The following MACROD2 variants were observed in gnomAD, a reference collection of about 807,000 sequenced individuals.
The protein encoded by MACROD2 is mono-ADP ribosylhydrolase 2.
MACROD2 carries 36 observed loss-of-function variants against 70.4 expected under a neutral mutation model. The observed-to-expected ratio is 0.51, with a 90% CI of 0.39 to 0.68. The LOEUF (loss-of-function observed/expected upper bound fraction) is 0.68. Among genes scored for constraint, MACROD2 ranks in the 30% least tolerant of loss-of-function variants. MACROD2 has a pLI of 0.00. For synonymous variants in MACROD2, 172 were observed against 178.8 expected (o/e 0.96, Z 0.30); for missense variants, 496 against 538.4 (o/e 0.92, Z 0.78).
intron 5 of MACROD2, among the ~76,000 whole-genome samples, chr20:14,935,743 G>A (rs2122691489): frequency 6.6e-6 from 1 of 152,234 alleles, no homozygotes; most frequent in South Asian, 2.1e-4. Flanking sequence ...ATTGAAGGGA[G>A]CACGTTAAAT....
At chr20:14,466,177 G>A (rs539171154) in intron 3 of MACROD2, among the ~76,000 whole-genome samples, 32 of 152,176 alleles carry the variant, frequency 2.1e-4, no homozygotes, top group Non-Finnish European at 4.3e-4. Context: ...ACACAAATTG[G>A]ACGTAGATTT....
rs575616252 is a variant in MACROD2, at chr20:14,119,193, G to A, written c.271+33465G>A. ...TTTTTTTTTTTTTTTTTGAGATGAA[G>A]TTTCACTCTTGTTACCTGGGCCGGA... On this transcript the variant is annotated intron_variant, in intron 3 of 17. Transcript: ENST00000684519. 3.5e-5 allele frequency among the ~76,000 whole-genome samples: 3 copies of A among 85,418 alleles called. 1 individual carries two copies. In the East Asian group the frequency reaches 1.2e-3, roughly 35 times the overall value. The allele number at this position is 85,418 out of a possible 152,430, so 56.0% of individuals were successfully genotyped here.
chr20:14,045,988 T>C (rs1318095863), intron 2 of MACROD2, among the ~76,000 whole-genome samples: 1 of 152,230 alleles, frequency 6.6e-6, no homozygotes, highest in Non-Finnish European at 1.5e-5. Flanking sequence ...TGAAGATGTT[T>C]AGAGTCAGAA....
At chr20:15,085,876 ACACACAC>A (rs2075744762) in intron 5 of MACROD2, among the ~76,000 whole-genome samples, 1 of 50,114 alleles carries the variant, frequency 2.0e-5, no homozygotes, top group African/African-American at 8.4e-5. Flanking sequence ...CACACACAAC[ACACACAC>A]ACACACACAC....
chr20:15,261,333 G>T (rs2077247770), intron 6 of MACROD2, among the ~76,000 whole-genome samples: 1 of 151,856 alleles, frequency 6.6e-6, no homozygotes, highest in Admixed American at 6.6e-5. Flanking sequence ...GGCCACTCTA[G>T]GATTTAATAC....
At chr20:15,368,619 G>C (rs986371702) in intron 6 of MACROD2, among the ~76,000 whole-genome samples, 2 of 151,912 alleles carry the variant, frequency 1.3e-5, no homozygotes, top group African/African-American at 4.8e-5. Context: ...GCACCACCAT[G>C]CCCTGACTAG....
chr20:14,224,685 G>C (rs2081715584), intron 3 of MACROD2, among the ~76,000 whole-genome samples: 1 of 152,190 alleles, frequency 6.6e-6, no homozygotes, highest in Non-Finnish European at 1.5e-5. Flanking sequence ...TTGTGAGGCT[G>C]CTCCTGCCCT....
intron 8 of MACROD2, among the ~76,000 whole-genome samples, chr20:15,783,793 C>T (rs2051875515): frequency 6.6e-6 from 1 of 152,134 alleles, no homozygotes; most frequent in Admixed American, 6.5e-5. Flanking sequence ...GACCTCCATC[C>T]ATGTCCTCCA....
At chr20:14,259,587 T>TGGTAC (rs2082085658) in intron 3 of MACROD2, among the ~76,000 whole-genome samples, 1 of 152,202 alleles carries the variant, frequency 6.6e-6, no homozygotes, top group Non-Finnish European at 1.5e-5. Flanking sequence ...ATTAGTCAAA[T>TGGTAC]ATTTATTAAG....
At chr20:14,382,292 C>T (rs2083429386) in intron 3 of MACROD2, among the ~76,000 whole-genome samples, 1 of 151,390 alleles carries the variant, frequency 6.6e-6, no homozygotes, top group Admixed American at 6.6e-5. Flanking sequence ...GAGCTCCTGA[C>T]CTTGTGATCC....
chr20:14,569,628 T>C (rs895904738), intron 4 of MACROD2, among the ~76,000 whole-genome samples: 4 of 151,906 alleles, frequency 2.6e-5, no homozygotes, highest in East Asian at 3.9e-4. Context: ...TGAGTGTTGA[T>C]AATGACTGTT....
intron 2 of MACROD2, among the ~76,000 whole-genome samples, chr20:14,050,727 A>G (rs1311035323): frequency 6.6e-6 from 1 of 152,232 alleles, no homozygotes; most frequent in African/African-American, 2.4e-5. Flanking sequence ...AATTCAAATC[A>G]GGCCATTGTG....
At chr20:15,064,465 T>C (rs2075558178) in intron 5 of MACROD2, among the ~76,000 whole-genome samples, 1 of 152,196 alleles carries the variant, frequency 6.6e-6, no homozygotes, top group African/African-American at 2.4e-5. Flanking sequence ...GTCTTTGCCT[T>C]TCTAATATTT....
intron 13 of MACROD2, among the ~76,000 whole-genome samples, chr20:15,969,322 C>T (rs2066194400): frequency 6.6e-6 from 1 of 151,108 alleles, no homozygotes; most frequent in South Asian, 2.1e-4. Context: ...TAAAAAATAC[C>T]CCAAAAAATG....
At chr20:14,982,252 G>A (rs540704774) in intron 5 of MACROD2, among the ~76,000 whole-genome samples, 38 of 152,276 alleles carry the variant, frequency 2.5e-4, no homozygotes, top group African/African-American at 8.9e-4. Context: ...ACTCTTAAAT[G>A]CATTCAGTTT....
chr20:15,043,456 G>T (rs933832963), intron 5 of MACROD2, among the ~76,000 whole-genome samples: 1 of 152,122 alleles, frequency 6.6e-6, no homozygotes, highest in South Asian at 2.1e-4. Context: ...ACCCACTTGA[G>T]TTTTTTGCAT....
chr20:15,193,506 A>G (rs938173668), intron 5 of MACROD2, among the ~76,000 whole-genome samples: 5 of 151,988 alleles, frequency 3.3e-5, no homozygotes, highest in African/African-American at 1.2e-4. Context: ...AACTTAGCCA[A>G]GTGTAGTGGC....
At chr20:15,134,142 G>A (rs560764422) in intron 5 of MACROD2, among the ~76,000 whole-genome samples, 12 of 27,426 alleles carry the variant, frequency 4.4e-4, no homozygotes, top group African/African-American at 1.3e-3. Context: ...TCCTGACCTC[G>A]TGATCCTCCC....
intron 5 of MACROD2, among the ~76,000 whole-genome samples, chr20:15,141,734 G>T (rs1180649651): frequency 6.6e-6 from 1 of 151,998 alleles, no homozygotes; most frequent in South Asian, 2.1e-4. Context: ...CTGCCAGAAG[G>T]ATTTTCTTAA....
Sources: gnomAD v4.1 joint callset for allele counts (sites outside exome capture counted in the v4.1 genomes callset) on GRCh38, gnomAD v4.1.1 for gene constraint, MANE v1.5 for transcripts, NCBI Gene and HGNC (gene_info 2026-07-23, HGNC 2026-07-21) for gene names.